Variants in GIMAP7 observed in about 807,000 individuals in gnomAD.
GIMAP7 encodes the protein GTPase IMAP family member 7.
For synonymous variants in GIMAP7, 137 were observed against 129.3 expected, an observed-to-expected ratio of 1.06 and a Z score of -0.40; for missense variants, 323 against 359.7, an observed-to-expected ratio of 0.90 and a Z score of 0.83.
Position 150,519,938 on chromosome 7 carries a change from T to C in GIMAP7, c.-37T>C, listed in dbSNP as rs1286332381. 1 of 1,596,668 alleles carries C rather than the reference T, an allele frequency of 6.3e-7. No homozygotes were observed. Among genetic ancestry groups the C allele is most frequent in the Non-Finnish European group, 8.6e-7 (1 of 1,168,344 alleles). On this transcript the variant is annotated 5_prime_UTR_variant, in exon 2 of 2. Transcript: ENST00000313543. ...CCCTATCTTCCCCTCCTTAAGGTCT[T>C]GTACGTGCCTAAGTTCTAGAGCCTC...
intron 1 of GIMAP7, 149 bp from the exon 2 acceptor site, chr7:150,519,785 G>T (rs535033467): frequency 3.6e-6 from 2 of 563,032 alleles, no homozygotes; most frequent in Non-Finnish European, 6.3e-6. Flanking sequence ...CATATTAATC[G>T]GACTATTTCA....
At position 150,520,778 on chromosome 7, in the gene GIMAP7, T is replaced by C. The variant is rs763387021; in HGVS notation, c.804T>C (p.Ala268=). 1 of 1,501,244 alleles carries C rather than the reference T, an allele frequency of 6.7e-7. No individual in the cohort carries two copies. Among genetic ancestry groups the C allele is most frequent in the Non-Finnish European group, 9.1e-7 (1 of 1,101,978 alleles). 93.0% of individuals were successfully genotyped at this position (1,501,244 alleles called of 1,614,324 possible). The change falls in exon 2 of 2, where the codon GCT becomes GCC. Residue 268 remains alanine, a synonymous_variant. Transcript: ENST00000313543. ...DEKIKNIREE[A]ERNIFKDVFN... is the part of the protein sequence containing the mutation. ...AAATAAAAAATATAAGGGAAGAAGC[T>C]GAGAGAAATATATTTAAAGATGTTT...
At chr7:150,516,403 A>G (rs780797012) in intron 1 of GIMAP7, among the ~76,000 whole-genome samples, 4 of 152,250 alleles carry the variant, frequency 2.6e-5, no homozygotes, top group Non-Finnish European at 4.4e-5. Context: ...TCTATCACAG[A>G]TTATTTTGAA....
Position 150,520,668 on chromosome 7 carries a change from A to T in GIMAP7, c.694A>T (p.Ile232Phe). 6.2e-7 allele frequency: 1 copy of T among 1,609,518 alleles called. No homozygotes were observed. Among genetic ancestry groups the T allele is most frequent in the Non-Finnish European group, 8.5e-7 (1 of 1,175,868 alleles). ...CTACACTGACCAATTAAATGAAGAA[A>T]TTAAACTAGTAGAAGAGGATAAGCA... Reference protein sequence around the residue: ...KIYTDQLNEEIKLVEEDKHKS... With the variant: ...KIYTDQLNEEFKLVEEDKHKS... Residue 232 changes from isoleucine to phenylalanine, a missense_variant, in exon 2 of 2, where the codon ATT becomes TTT. Ile to Phe is a conservative substitution (Grantham distance 21). Coordinates refer to ENST00000313543, the MANE Select transcript of GIMAP7 (RefSeq NM_153236.4).
At chr7:150,518,943 G>T (rs1310622011) in intron 1 of GIMAP7, among the ~76,000 whole-genome samples, 1 of 151,752 alleles carries the variant, frequency 6.6e-6, no homozygotes, top group Non-Finnish European at 1.5e-5. Context: ...GCTAATAAAA[G>T]TGTCCATCAT....
chr7:150,515,566 T>G (rs4725906), intron 1 of GIMAP7, among the ~76,000 whole-genome samples: 16,126 of 152,240 alleles, frequency 0.11, 945 homozygotes, highest in East Asian at 0.17. Context: ...TTTATTTTCC[T>G]TTTTTATAGC....
chr7:150,516,454 G>A (rs1795138524), intron 1 of GIMAP7, among the ~76,000 whole-genome samples: 1 of 152,166 alleles, frequency 6.6e-6, no homozygotes. Context: ...GTAAATATTT[G>A]AGTATGTGTC....
Position 150,520,907 on chromosome 7 carries a change from T to C in GIMAP7, c.*30T>C, listed in dbSNP as rs946708268. The C allele has an allele frequency of 8.1e-7, 1 of 1,229,916 alleles. No homozygotes were observed. The highest frequency in any genetic ancestry group is 1.6e-5 in the African/African-American group (1 of 63,208). The allele number at this position is 1,229,916 out of a possible 1,614,324, so 76.2% of individuals were successfully genotyped here. On this transcript the variant is annotated 3_prime_UTR_variant, in exon 2 of 2. Coordinates refer to ENST00000313543, the MANE Select transcript of GIMAP7 (RefSeq NM_153236.4). Reference sequence around the variant, plus strand: ...CTGTGATTTGTTAATGGATGAATTGTATTTTGCAAAGATAGTTAGAGAAAT... The same window carrying C: ...CTGTGATTTGTTAATGGATGAATTGCATTTTGCAAAGATAGTTAGAGAAAT...
At chr7:150,515,239 G>T (rs1795122824) in intron 1 of GIMAP7, among the ~76,000 whole-genome samples, 1 of 152,160 alleles carries the variant, frequency 6.6e-6, no homozygotes, top group Non-Finnish European at 1.5e-5. Flanking sequence ...AAGAAATTAA[G>T]GGCTCCTAAG....
chr7:150,519,785 G>C (rs535033467), intron 1 of GIMAP7, 149 bp from the exon 2 acceptor site: 7 of 563,032 alleles, frequency 1.2e-5, no homozygotes, highest in African/African-American at 1.1e-4. Context: ...CATATTAATC[G>C]GACTATTTCA....
intron 1 of GIMAP7, among the ~76,000 whole-genome samples, chr7:150,519,472 TCA>T (rs971611840): frequency 2.0e-5 from 3 of 152,156 alleles, no homozygotes; most frequent in African/African-American, 7.2e-5. Flanking sequence ...TCACACTTAA[TCA>T]CAGTCTATTA....
chr7:150,520,938 C>G lies in GIMAP7; in HGVS notation c.*61C>G, dbSNP rs1055544119. 1.2e-6 allele frequency: 1 copy of G among 802,072 alleles called. No homozygotes were observed. The highest frequency in any genetic ancestry group is 1.9e-6 in the Non-Finnish European group (1 of 538,538). 49.7% of individuals were successfully genotyped at this position (802,072 alleles called of 1,614,324 possible). A position where few individuals can be genotyped will look rare whatever the true frequency, so the allele number is the denominator to read the frequency against. Reference sequence around the variant, plus strand: ...GCAAAGATAGTTAGAGAAATACCTCCTTCCCCTTAGCTTTATTAAGGTATC... The same window carrying G: ...GCAAAGATAGTTAGAGAAATACCTCGTTCCCCTTAGCTTTATTAAGGTATC... On this transcript the variant is annotated 3_prime_UTR_variant, in exon 2 of 2. Transcript: ENST00000313543.
intron 1 of GIMAP7, among the ~76,000 whole-genome samples, chr7:150,516,392 C>T (rs1795137964): frequency 6.6e-6 from 1 of 152,210 alleles, no homozygotes; most frequent in Non-Finnish European, 1.5e-5. Flanking sequence ...CTATTCTCAA[C>T]TCTATCACAG....
intron 1 of GIMAP7, among the ~76,000 whole-genome samples, chr7:150,519,545 T>A (rs1472493551): frequency 6.6e-5 from 10 of 152,202 alleles, no homozygotes; most frequent in Non-Finnish European, 1.3e-4. Context: ...ATGAGACACA[T>A]CTTTAGTTTT....
chr7:150,518,681 C>T (rs930581267), intron 1 of GIMAP7, among the ~76,000 whole-genome samples: 1 of 151,980 alleles, frequency 6.6e-6, no homozygotes, highest in Non-Finnish European at 1.5e-5. Context: ...GTATGCCTTA[C>T]ATAATTTTTT....
chr7:150,517,926 C>T (rs1430267354), intron 1 of GIMAP7, among the ~76,000 whole-genome samples: 1 of 151,946 alleles, frequency 6.6e-6, no homozygotes, highest in African/African-American at 2.4e-5. Flanking sequence ...TGCTTTTTCA[C>T]ATGCACATAA....
rs1795180704 is a variant in GIMAP7 at position 150,520,670 on chromosome 7, T to C, written c.696T>C (p.Ile232=). 2 of 1,607,134 alleles carry C rather than the reference T, an allele frequency of 1.2e-6. No homozygotes were observed. Among genetic ancestry groups the C allele is most frequent in the Non-Finnish European group, 1.7e-6 (2 of 1,174,332 alleles). The change falls in exon 2 of 2, where the codon ATT becomes ATC. Residue 232 remains isoleucine, a synonymous_variant. Transcript: ENST00000313543. ...ACACTGACCAATTAAATGAAGAAAT[T>C]AAACTAGTAGAAGAGGATAAGCATA... The part of the protein sequence containing the change: ...KIYTDQLNEE[I]KLVEEDKHKS...
At chr7:150,514,986 C>T (rs538839968) in intron 1 of GIMAP7, 41 bp downstream of exon 1, 1 of 152,996 alleles carries the variant, frequency 6.5e-6, no homozygotes, top group Non-Finnish European at 1.5e-5. Context: ...TATTGGGCTG[C>T]GAAGGGCAGT....
At chr7:150,518,146 AC>A (rs1366401610) in intron 1 of GIMAP7, among the ~76,000 whole-genome samples, 1 of 152,118 alleles carries the variant, frequency 6.6e-6, no homozygotes, top group Non-Finnish European at 1.5e-5. Context: ...ACTGGTCCCC[AC>A]TGATGGGCAT....
Sources: allele counts gnomAD v4.1 joint callset (sites outside exome capture counted in the v4.1 genomes callset), GRCh38; gene constraint gnomAD v4.1.1; transcripts MANE v1.5; gene names NCBI Gene and HGNC (gene_info 2026-07-23, HGNC 2026-07-21).